The following NRTN variants were observed in gnomAD, a reference collection of about 807,000 sequenced individuals.
NRTN encodes the protein neurturin.
NRTN carries 3 observed loss-of-function variants against 7.5 expected under a neutral mutation model. The observed-to-expected ratio is 0.40, with a 90% CI of 0.18 to 1.03. The LOEUF (loss-of-function observed/expected upper bound fraction) is 1.03, where lower values mean the gene tolerates loss of function less well. Ranked by LOEUF, NRTN falls within the 50% of genes least tolerant of loss-of-function variation. The pLI is 0.34. For synonymous variants in NRTN, 157 were observed against 146.6 expected (o/e 1.07, Z -0.51); for missense variants, 310 against 307.0 (o/e 1.01, Z -0.07).
In NRTN at chr19:5,827,814, C is replaced by G. The variant is rs1195007373; in HGVS notation, c.235C>G (p.Arg79Gly). The stretch of plus-strand genomic sequence containing the variant: ...GCGCGAGCTGACGCCCTGGGCTGGG[C>G]GGCCCCCAGGTCCGCGCCGTCGGGC... Reference protein sequence around the residue: ...ELRELTPWAGRPPGPRRRAGP... With the variant: ...ELRELTPWAGGPPGPRRRAGP... Residue 79 changes from arginine to glycine, a missense_variant, in exon 3 of 3, where the codon CGG becomes GGG. Arg to Gly is a moderately radical substitution (Grantham distance 125, BLOSUM62 -2). Transcript: ENST00000303212. The G allele has an allele frequency of 1.2e-5, 14 of 1,168,892 alleles. No homozygotes were observed. In the African/African-American group the frequency reaches 2.1e-4, roughly 18 times the overall value. The allele number at this position is 1,168,892 out of a possible 1,614,324, so 72.4% of individuals were successfully genotyped here. A position where few individuals can be genotyped will look rare whatever the true frequency, so the allele number is the denominator to read the frequency against.
Position 5,815,344 on chromosome 19 carries a change from A to AGTGTGTGTGT in NRTN, c.-398-8416_-398-8407dup, listed in dbSNP as rs139182799. Among the ~76,000 whole-genome samples the AGTGTGTGTGT allele has an allele frequency of 2.0e-3, 293 of 150,120 alleles. 1 individual carries two copies. The highest frequency in any genetic ancestry group is 6.7e-3 in the African/African-American group (272 of 40,844). On this transcript the variant is annotated intron_variant, in intron 1 of 2. Coordinates refer to ENST00000303212, the MANE Select transcript of NRTN (RefSeq NM_004558.5). ...TGGTTTTTCACTGTGGGGTTGTTCA[A>AGTGTGTGTGT]GTGTGTGTGTGTGTGTGCAAACACC...
At chr19:5,813,892 C>T (rs1160402983) in intron 1 of NRTN, among the ~76,000 whole-genome samples, 1 of 151,770 alleles carries the variant, frequency 6.6e-6, no homozygotes, top group Non-Finnish European at 1.5e-5. Context: ...TCTGTAGTCC[C>T]AGCTGCTTGG....
intron 1 of NRTN, among the ~76,000 whole-genome samples, chr19:5,816,051 G>T (rs2057004330): frequency 6.7e-6 from 1 of 149,650 alleles, no homozygotes; most frequent in African/African-American, 2.5e-5. Context: ...GGCCGATGGT[G>T]TCTTTTAAAA....
At chr19:5,811,177 G>A (rs2056989610) in intron 1 of NRTN, among the ~76,000 whole-genome samples, 1 of 152,186 alleles carries the variant, frequency 6.6e-6, no homozygotes, top group African/African-American at 2.4e-5. Context: ...AGGTGGGGTT[G>A]CAGTGAGCCG....
chr19:5,815,725 C>T (rs79582876), intron 1 of NRTN, among the ~76,000 whole-genome samples: 19,295 of 143,926 alleles, frequency 0.13, 1,893 homozygotes, highest in East Asian at 0.43. Context: ...CGTGAGCCAC[C>T]GCGCCCGGCC....
chr19:5,811,914 G>A (rs2056991810), intron 1 of NRTN, among the ~76,000 whole-genome samples: 1 of 150,908 alleles, frequency 6.6e-6, no homozygotes, highest in Admixed American at 6.6e-5. Context: ...CTGTTGCCCA[G>A]GCTGGAGTAC....
chr19:5,825,309 C>T (rs954171289), intron 2 of NRTN, among the ~76,000 whole-genome samples: 69 of 152,268 alleles, frequency 4.5e-4, no homozygotes, highest in African/African-American at 1.5e-3. Context: ...GGCCCTGACC[C>T]CTGTGCCCAC....
chr19:5,806,796 G>A lies in NRTN; in HGVS notation c.-399+1345G>A, dbSNP rs769162026. Reference sequence around the variant, plus strand: ...CCACCATCAGCACTGGCCCCTCGGCGTTTCAGGTCCCAGTTTTCAGGGAGC... The same window carrying A: ...CCACCATCAGCACTGGCCCCTCGGCATTTCAGGTCCCAGTTTTCAGGGAGC... On this transcript the variant is annotated intron_variant, in intron 1 of 2. Transcript: ENST00000303212. The surrounding 1 kb of genome is among the most constrained non-coding windows in gnomAD (Gnocchi z 5.4). Among the ~76,000 whole-genome samples, 11 of 152,208 alleles carry A rather than the reference G, an allele frequency of 7.2e-5. No homozygotes were observed. Among genetic ancestry groups the A allele is most frequent in the African/African-American group, 9.7e-5 (4 of 41,446 alleles).
intron 1 of NRTN, among the ~76,000 whole-genome samples, chr19:5,817,893 G>A (rs556045540): frequency 7.3e-5 from 11 of 151,594 alleles, no homozygotes; most frequent in East Asian, 1.9e-4. Flanking sequence ...TCTGCCTCCC[G>A]GGTTCAAGCG....
At chr19:5,820,738 G>GAAAAAAAAA (rs869276836) in intron 1 of NRTN, among the ~76,000 whole-genome samples, 5 of 39,064 alleles carry the variant, frequency 1.3e-4, no homozygotes, top group East Asian at 4.8e-4. Flanking sequence ...TCTGTCTCAA[G>GAAAAAAAAA]AAAAAAAAAA....
intron 1 of NRTN, among the ~76,000 whole-genome samples, chr19:5,811,408 C>G (rs891902938): frequency 1.3e-5 from 2 of 152,188 alleles, no homozygotes; most frequent in African/African-American, 4.8e-5. Flanking sequence ...TACTTCACTT[C>G]TCTGGACCTC....
At position 5,824,032 on chromosome 19, in the gene NRTN, T is replaced by A; in HGVS notation, c.-134T>A. 4.3e-6 allele frequency: 5 copies of A among 1,161,078 alleles called. No individual in the cohort carries two copies. The South Asian group carries it at 5.2e-5, about 12-fold the overall frequency. 71.9% of individuals were successfully genotyped at this position (1,161,078 alleles called of 1,614,324 possible). ...GGTTCCTTGAGGGACCATTCCCATG[T>A]GATTATCGACCATTCGGCAGGCGTT... On this transcript the variant is annotated 5_prime_UTR_variant, in exon 2 of 3. It removes the in-frame stop codon of an upstream open reading frame in the 5' UTR. Transcript: ENST00000303212.
rs1332878144 is a variant in NRTN, at chr19:5,820,735, C to CAAAAAAAAAAAAAA, written c.-398-3031_-398-3030insAAAAAAAAAAAAAA. ...TGGGCAACAGAGTGAAACTCTGTCT[C>CAAAAAAAAAAAAAA]AAGAAAAAAAAAAAAAAAAAAAAAA... On this transcript the variant is annotated intron_variant, in intron 1 of 2. Transcript: ENST00000303212. Among the ~76,000 whole-genome samples the CAAAAAAAAAAAAAA allele has an allele frequency of 5.5e-4, 34 of 62,126 alleles. 5 individuals are homozygous for CAAAAAAAAAAAAAA. Among genetic ancestry groups the CAAAAAAAAAAAAAA allele is most frequent in the East Asian group, 5.3e-3 (9 of 1,684 alleles). The allele number at this position is 62,126 out of a possible 152,430, so 40.8% of individuals were successfully genotyped here. A position where few individuals can be genotyped will look rare whatever the true frequency, so the allele number is the denominator to read the frequency against.
At chr19:5,813,307 G>A (rs1247412942) in intron 1 of NRTN, among the ~76,000 whole-genome samples, 1 of 151,826 alleles carries the variant, frequency 6.6e-6, no homozygotes, top group Non-Finnish European at 1.5e-5. Flanking sequence ...GGCAGAGGCG[G>A]GCGGATCACC....
At chr19:5,809,834 C>G (rs1041251698) in intron 1 of NRTN, among the ~76,000 whole-genome samples, 6 of 152,222 alleles carry the variant, frequency 3.9e-5, no homozygotes, top group African/African-American at 1.4e-4. Context: ...ACGCCCCTCT[C>G]TCACCTCTCC....
At chr19:5,823,136 G>T (rs926435529) in intron 1 of NRTN, among the ~76,000 whole-genome samples, 4 of 152,006 alleles carry the variant, frequency 2.6e-5, no homozygotes, top group Admixed American at 2.6e-4. Context: ...GAGAGAGGAG[G>T]CTGGGTGCGG....
At chr19:5,824,515 C>T (rs1174311957) in intron 2 of NRTN, among the ~76,000 whole-genome samples, 181 bp downstream of exon 2, 1 of 152,188 alleles carries the variant, frequency 6.6e-6, no homozygotes. Context: ...CATGGTGGCG[C>T]CTGCCTATAA....
intron 1 of NRTN, among the ~76,000 whole-genome samples, chr19:5,807,699 G>A (rs1316334770): frequency 1.3e-5 from 2 of 152,258 alleles, no homozygotes; most frequent in East Asian, 3.8e-4. Context: ...CTTCCCAAGT[G>A]GGGAAACTAA....
chr19:5,811,023 G>A (rs545954480), intron 1 of NRTN, among the ~76,000 whole-genome samples: 2 of 151,364 alleles, frequency 1.3e-5, no homozygotes, highest in Non-Finnish European at 2.9e-5. Context: ...GATCACTTGA[G>A]GTCAGGAGTT....
Sources: gnomAD v4.1 joint callset for allele counts (sites outside exome capture counted in the v4.1 genomes callset) on GRCh38, gnomAD v4.1.1 for gene constraint, Gnocchi (gnomAD v3.1) non-coding constraint, MANE v1.5 for transcripts, NCBI Gene and HGNC (gene_info 2026-07-23, HGNC 2026-07-21) for gene names.